EED: variants seen among roughly 807,000 people sequenced by gnomAD.
EED encodes the protein polycomb protein EED.
In EED, 9 loss-of-function variants were observed where a neutral mutation model predicts 61.0. The observed-to-expected ratio is 0.15, with a 90% CI of 0.09 to 0.26. The LOEUF (loss-of-function observed/expected upper bound fraction) is 0.26, where lower values mean the gene tolerates loss of function less well. Among genes scored for constraint, EED ranks in the 10% least tolerant of loss-of-function variants. The probability of loss-of-function intolerance (pLI) is 1.00; values close to 1 mark genes in which losing one functional copy is unlikely to be tolerated. For missense variants in EED, 315 were observed against 542.3 expected (o/e 0.58, Z 4.16); for synonymous variants, 187 against 174.4 (o/e 1.07, Z -0.57).
At chr11:86,246,931 G>A (rs1399465920) in intron 1 of EED, among the ~76,000 whole-genome samples, 2 of 152,154 alleles carry the variant, frequency 1.3e-5, no homozygotes, top group South Asian at 2.1e-4. Context: ...TATAGCTAAA[G>A]TACTAAGAAG....
chr11:86,281,809 A>G (rs1159238168), downstream of EED, among the ~76,000 whole-genome samples: 2 of 152,136 alleles, frequency 1.3e-5, no homozygotes, highest in Admixed American at 1.3e-4. Context: ...GGCATGCATC[A>G]CTGTGCCAGG....
chr11:86,287,540 T>TCTTA, the EED span, among the ~76,000 whole-genome samples: 39 of 152,202 alleles, frequency 2.6e-4, no homozygotes, highest in African/African-American at 8.9e-4. Context: ...GGGTGATTTC[T>TCTTA]CTTACATTTC....
chr11:86,269,145 T>C (rs966811258), intron 9 of EED, among the ~76,000 whole-genome samples: 1 of 152,198 alleles, frequency 6.6e-6, no homozygotes, highest in Non-Finnish European at 1.5e-5. Context: ...TGGGCAAAAT[T>C]ATCTAACACA....
At chr11:86,272,554 T>G (rs573971565) in intron 9 of EED, among the ~76,000 whole-genome samples, 1 of 152,352 alleles carries the variant, frequency 6.6e-6, no homozygotes, top group South Asian at 2.1e-4. Context: ...ATATCCTTGT[T>G]CGGTGTCTAC....
At chr11:86,287,260 C>T in the EED span, among the ~76,000 whole-genome samples, 1 of 152,050 alleles carries the variant, frequency 6.6e-6, no homozygotes, top group Non-Finnish European at 1.5e-5. Context: ...AGAAATACAA[C>T]CATAAGTAAA....
Position 86,278,534 on chromosome 11 carries a change from T to G in EED, c.*9T>G. On this transcript the variant is annotated 3_prime_UTR_variant, in exon 12 of 12. Coordinates refer to ENST00000263360, the MANE Select transcript of EED (RefSeq NM_003797.5). ...GGGATCGACTTCGATAAAATACTTT[T>G]GCCTAATCAAAATTAGAGTGTGTTT... is the stretch of plus-strand genomic sequence containing the variant. 1 of 1,612,466 alleles carries G rather than the reference T, an allele frequency of 6.2e-7. No homozygotes were observed. The highest frequency in any genetic ancestry group is 8.5e-7 in the Non-Finnish European group (1 of 1,179,310).
intron 2 of EED, among the ~76,000 whole-genome samples, chr11:86,251,007 T>C (rs1320237923): frequency 6.6e-6 from 1 of 152,152 alleles, no homozygotes; most frequent in Non-Finnish European, 1.5e-5. Context: ...TTATTTACTT[T>C]ATAAAAGGGG....
the EED span, chr11:86,283,905 TCTTA>T: frequency 6.6e-6 from 1 of 151,718 alleles, no homozygotes. Context: ...GAGGTAATTA[TCTTA>T]CTTGCTACCA....
At position 86,278,555 on chromosome 11, in the gene EED, T is replaced by C. The variant is rs1247828195; in HGVS notation, c.*30T>C. The C allele has an allele frequency of 1.2e-6, 2 of 1,609,230 alleles. No individual in the cohort carries two copies. Among genetic ancestry groups the C allele is most frequent in the African/African-American group, 1.3e-5 (1 of 74,848 alleles). ...CTTTTGCCTAATCAAAATTAGAGTG[T>C]GTTTGTTGTCTGTGTAAAATAGAAT... On this transcript the variant is annotated 3_prime_UTR_variant, in exon 12 of 12. Transcript: ENST00000263360.
intron 4 of EED, among the ~76,000 whole-genome samples, chr11:86,256,046 G>T (rs1352464786): frequency 6.6e-6 from 1 of 152,186 alleles, no homozygotes; most frequent in South Asian, 2.1e-4. Flanking sequence ...AAACTACAGC[G>T]TGCAGGTTGG....
intron 1 of EED, among the ~76,000 whole-genome samples, chr11:86,247,388 A>C (rs1039726164): frequency 6.6e-6 from 1 of 152,232 alleles, no homozygotes; most frequent in Non-Finnish European, 1.5e-5. Context: ...AAATATTTCT[A>C]AAACAAATTT....
At chr11:86,254,622 T>C (rs117817698) in intron 3 of EED, among the ~76,000 whole-genome samples, 3,159 of 150,796 alleles carry the variant, frequency 0.021, 43 homozygotes, top group Non-Finnish European at 0.034. Flanking sequence ...TCCGGACTTA[T>C]TTTATTTTAT....
intron 9 of EED, 46 bp downstream of exon 9, chr11:86,268,607 G>GTGTA: frequency 1.7e-6 from 2 of 1,148,314 alleles, no homozygotes; most frequent in Non-Finnish European, 2.5e-6. Flanking sequence ...GTGTGTGTGT[G>GTGTA]TGTGTGTGTG....
intron 1 of EED, among the ~76,000 whole-genome samples, chr11:86,248,628 G>C (rs1466804): frequency 0.38 from 57,168 of 152,000 alleles, 11,103 homozygotes; most frequent in East Asian, 0.48. Flanking sequence ...ATTCCAAATG[G>C]AGACAGAAAC....
intron 1 of EED, among the ~76,000 whole-genome samples, chr11:86,248,301 G>A (rs574980568): frequency 2.0e-5 from 3 of 152,310 alleles, no homozygotes; most frequent in East Asian, 1.9e-4. Context: ...TTTGCCTTGG[G>A]AGGAGATGGG....
At position 86,274,194 on chromosome 11, in the gene EED, T is replaced by G. The variant is rs148251005; in HGVS notation, c.967-2786T>G. 2.0e-5 allele frequency among the ~76,000 whole-genome samples: 3 copies of G among 151,950 alleles called. No homozygotes were observed. In the East Asian group the frequency reaches 5.8e-4, roughly 29 times the overall value. On this transcript the variant is annotated intron_variant, in intron 9 of 11. Coordinates refer to ENST00000263360, the MANE Select transcript of EED (RefSeq NM_003797.5). Reference sequence around the variant, plus strand: ...CTCTTCTCTTTTGATATTGAGCCCATCAATTGAGTTTTTTATTTGGGTTAT... The same window carrying G: ...CTCTTCTCTTTTGATATTGAGCCCAGCAATTGAGTTTTTTATTTGGGTTAT...
At chr11:86,278,329 C>T (rs1269554143) in intron 11 of EED, 70 bp from the exon 12 acceptor site, 6 of 1,534,934 alleles carry the variant, frequency 3.9e-6, no homozygotes, top group Middle Eastern at 2.0e-4. Flanking sequence ...ATTTTCTAAT[C>T]CGCTGTTTTA....
rs1455998556 is a variant in EED, at chr11:86,277,157, A to G, written c.1125+19A>G. 10 of 1,552,146 alleles carry G rather than the reference A, an allele frequency of 6.4e-6. No individual in the cohort carries two copies. Among genetic ancestry groups the G allele is most frequent in the Non-Finnish European group, 8.8e-6 (10 of 1,139,826 alleles). On this transcript the variant is annotated intron_variant, in intron 10 of 11. Coordinates refer to ENST00000263360, the MANE Select transcript of EED (RefSeq NM_003797.5). ...GCAAAAGGTATCAACATACTTTTAC[A>G]TTTTGAAATGATCTGACTTATGAAA...
intron 9 of EED, among the ~76,000 whole-genome samples, 153 bp downstream of exon 9, chr11:86,268,714 G>T (rs1946044804): frequency 6.6e-6 from 1 of 151,744 alleles, no homozygotes; most frequent in African/African-American, 2.4e-5. Context: ...CTTTTTTAAA[G>T]TCTCATATTT....
Sources: gnomAD v4.1 joint callset for allele counts (sites outside exome capture counted in the v4.1 genomes callset) on GRCh38, gnomAD v4.1.1 for gene constraint, MANE v1.5 for transcripts, NCBI Gene and HGNC (gene_info 2026-07-23, HGNC 2026-07-21) for gene names.